The following CEP20 variants were observed in gnomAD, a reference collection of about 807,000 sequenced individuals.
CEP20 encodes the protein FGFR1OP N-terminal like.
Under a neutral mutation model 20.0 loss-of-function variants are expected in CEP20, and 18 were observed. That is an observed-to-expected ratio of 0.90 (90% confidence interval 0.62 to 1.34). The LOEUF is 1.34. Among genes scored for constraint, CEP20 ranks in the 40% most tolerant of loss-of-function variants. The pLI is 0.00. For synonymous variants in CEP20, 77 were observed against 73.7 expected, an observed-to-expected ratio of 1.04 and a Z score of -0.23; for missense variants, 215 against 201.6, an observed-to-expected ratio of 1.07 and a Z score of -0.40.
At chr16:15,874,161 C>T (rs1184067984) in intron 3 of CEP20, among the ~76,000 whole-genome samples, 1 of 152,154 alleles carries the variant, frequency 6.6e-6, no homozygotes, top group African/African-American at 2.4e-5. Flanking sequence ...AAGCACCGTC[C>T]CTCCCTTATA....
At chr16:15,870,005 A>G (rs2044774676) in intron 4 of CEP20, among the ~76,000 whole-genome samples, 1 of 152,132 alleles carries the variant, frequency 6.6e-6, no homozygotes, top group Non-Finnish European at 1.5e-5. Context: ...TACTGACTTG[A>G]ACTCGATTCT....
intron 3 of CEP20, among the ~76,000 whole-genome samples, chr16:15,877,891 C>T (rs769103573): frequency 4.6e-5 from 7 of 151,472 alleles, no homozygotes; most frequent in Non-Finnish European, 1.0e-4. Flanking sequence ...CCCATCTCTA[C>T]AAAAAAATAT....
chr16:15,886,845 G>A (rs2157044), intron 1 of CEP20, among the ~76,000 whole-genome samples: 26,877 of 151,768 alleles, frequency 0.18, 2,287 homozygotes, highest in East Asian at 0.22. Flanking sequence ...AAACTTCTTC[G>A]GAAAGGTCTT....
intron 3 of CEP20, among the ~76,000 whole-genome samples, chr16:15,878,443 T>A (rs1218260628): frequency 3.3e-5 from 5 of 152,140 alleles, no homozygotes; most frequent in African/African-American, 1.2e-4. Flanking sequence ...GAGAGTTAGA[T>A]TTAACTGGAA....
intron 1 of CEP20, chr16:15,885,030 G>A (rs367978890): frequency 6.6e-6 from 1 of 152,052 alleles, no homozygotes; most frequent in Middle Eastern, 3.4e-3. Context: ...TTGATGGCAG[G>A]GCATGGTGGC....
chr16:15,886,298 G>C (rs1451581756), intron 1 of CEP20: 7 of 152,136 alleles, frequency 4.6e-5, no homozygotes, highest in Admixed American at 4.6e-4. Context: ...ACTGACTTTT[G>C]ACCTTTCTTT....
At position 15,866,501 on chromosome 16, in the gene CEP20, G is replaced by A. The variant is rs1225883056; in HGVS notation, c.*939C>T. 3.3e-5 allele frequency: 5 copies of A among 152,222 alleles called. No homozygotes were observed. The highest frequency in any genetic ancestry group is 4.2e-4 in the South Asian group (2 of 4,818). The allele number at this position is 152,222 out of a possible 1,614,324, so 9.4% of individuals were successfully genotyped here. On this transcript the variant is annotated 3_prime_UTR_variant, in exon 5 of 5. Transcript: ENST00000255759. The stretch of plus-strand genomic sequence containing the variant: ...TAAAAATACTTCTTTAATAAATATC[G>A]AAGTAGCGTATTAGAGATAGCACAT...
Position 15,867,198 on chromosome 16 carries a change from A to G in CEP20, c.*242T>C. The G allele has an allele frequency of 3.1e-6, 1 of 325,832 alleles. No individual in the cohort carries two copies. The highest frequency in any genetic ancestry group is 5.7e-6 in the Non-Finnish European group (1 of 176,018). 20.2% of individuals were successfully genotyped at this position (325,832 alleles called of 1,614,324 possible). A position where few individuals can be genotyped will look rare whatever the true frequency, so the allele number is the denominator to read the frequency against. On this transcript the variant is annotated 3_prime_UTR_variant, in exon 5 of 5. Transcript: ENST00000255759. ...ACTCCAGTCTGGGTGACAGAGCGAG[A>G]CTCCATCTCAAAAAAACAAAAAATA...
At chr16:15,868,328 G>A (rs1306817479) in intron 4 of CEP20, among the ~76,000 whole-genome samples, 1 of 151,910 alleles carries the variant, frequency 6.6e-6, no homozygotes, top group Non-Finnish European at 1.5e-5. Flanking sequence ...GAGGCTGAGG[G>A]CAGGAGAATC....
chr16:15,884,249 T>G, intron 1 of CEP20, 44 bp from the exon 2 acceptor site: 1 of 1,552,698 alleles, frequency 6.4e-7, no homozygotes, highest in Middle Eastern at 1.7e-4. Context: ...AGAGTAAATT[T>G]GTCATTCTTA....
chr16:15,871,128 A>G lies in CEP20; in HGVS notation c.448+2363T>C, dbSNP rs184564444. The stretch of plus-strand genomic sequence containing the variant: ...AATACAAAAATTAGGCGGGTGTGGT[A>G]GCACATGCCTGCAGCCCCAGCTACT... On this transcript the variant is annotated intron_variant, in intron 4 of 4. Transcript: ENST00000255759. Among the ~76,000 whole-genome samples the G allele has an allele frequency of 2.6e-5, 4 of 152,080 alleles. No homozygotes were observed. In the East Asian group the frequency reaches 7.7e-4, roughly 29 times the overall value.
intron 2 of CEP20, among the ~76,000 whole-genome samples, chr16:15,882,366 T>C (rs77824971): frequency 0.069 from 10,513 of 152,128 alleles, 482 homozygotes; most frequent in East Asian, 0.22. Flanking sequence ...GGTGAAACCC[T>C]GTCTCTACTA....
chr16:15,882,778 T>TACACACACACACACA lies in CEP20; in HGVS notation c.226+1229_226+1230insTGTGTGTGTGTGTGT, dbSNP rs763098969. On this transcript the variant is annotated intron_variant, in intron 2 of 4. Transcript: ENST00000255759. Reference sequence around the variant, plus strand: ...ATCTATCTATCTATCTATCTATCTATCTAGATACACACACACACACACACA... The same window carrying TACACACACACACACA: ...ATCTATCTATCTATCTATCTATCTATACACACACACACACACTAGATACACACACACACACACACA... 2.6e-4 allele frequency among the ~76,000 whole-genome samples: 13 copies of TACACACACACACACA among 50,614 alleles called. No homozygotes were observed. In the East Asian group the frequency reaches 3.7e-3, roughly 14 times the overall value. 33.2% of individuals were successfully genotyped at this position (50,614 alleles called of 152,430 possible).
rs1391779639 is a variant in CEP20, at chr16:15,873,508, C to CTAT, written c.430_431insATA (p.Pro143_Ser144insAsn). ...ACTCATACCCATTGGCTTTCTTCTA[C>CTAT]TAGGTTGTCTGCCAAGACTTGGGTC... On this transcript the variant is annotated inframe_insertion, in exon 4 of 5. Coordinates refer to ENST00000255759, the MANE Select transcript of CEP20 (RefSeq NM_144600.4). 4 of 1,613,774 alleles carry CTAT rather than the reference C, an allele frequency of 2.5e-6. No homozygotes were observed.
rs112666539 is a variant in CEP20, at chr16:15,872,755, T to G, written c.448+736A>C. ...ATGTCTCAAAAAAATACATAAAAATTTATGTATTTTTATGTCTCAAAAAAA... is the reference window on the plus strand; with the variant it reads ...ATGTCTCAAAAAAATACATAAAAATGTATGTATTTTTATGTCTCAAAAAAA... On this transcript the variant is annotated intron_variant, in intron 4 of 4. Coordinates refer to ENST00000255759, the MANE Select transcript of CEP20 (RefSeq NM_144600.4). 5.9e-3 allele frequency among the ~76,000 whole-genome samples: 787 copies of G among 133,356 alleles called. 3 individuals are homozygous for G. The highest frequency in any genetic ancestry group is 0.029 in the Middle Eastern group (8 of 278). The allele number at this position is 133,356 out of a possible 152,430, so 87.5% of individuals were successfully genotyped here. A position where few individuals can be genotyped will look rare whatever the true frequency, so the allele number is the denominator to read the frequency against.
rs1687105524 is a variant in CEP20, at chr16:15,867,271, G to C, written c.*169C>G. 4 of 477,668 alleles carry C rather than the reference G, an allele frequency of 8.4e-6. No homozygotes were observed. 29.6% of individuals were successfully genotyped at this position (477,668 alleles called of 1,614,324 possible). A position where few individuals can be genotyped will look rare whatever the true frequency, so the allele number is the denominator to read the frequency against. On this transcript the variant is annotated 3_prime_UTR_variant, in exon 5 of 5. Transcript: ENST00000255759. ...TTTTCAAGTCAAATCCAATAAGCTA[G>C]ATGACAAGAGTTAGCTTTTATTCAC...
chr16:15,883,206 A>C (rs1021977698), intron 2 of CEP20, among the ~76,000 whole-genome samples: 19 of 152,136 alleles, frequency 1.2e-4, no homozygotes, highest in African/African-American at 4.1e-4. Context: ...TATAAATAAT[A>C]AAAAAATTTA....
intron 1 of CEP20, 99 bp downstream of exon 1, chr16:15,888,459 G>C: frequency 6.6e-7 from 1 of 1,516,112 alleles, no homozygotes; most frequent in Non-Finnish European, 9.1e-7. Flanking sequence ...GCCTGTAAAA[G>C]CCAACCCATG....
intron 2 of CEP20, among the ~76,000 whole-genome samples, chr16:15,881,333 C>A (rs2045092747): frequency 6.6e-6 from 1 of 152,158 alleles, no homozygotes; most frequent in African/African-American, 2.4e-5. Flanking sequence ...CCACTATTTT[C>A]ATAATTTCTT....
Sources: gnomAD v4.1 joint callset for allele counts (sites outside exome capture counted in the v4.1 genomes callset) on GRCh38, gnomAD v4.1.1 for gene constraint, MANE v1.5 for transcripts, NCBI Gene and HGNC (gene_info 2026-07-23, HGNC 2026-07-21) for gene names.